The following SLC14A2 variants were observed in gnomAD, a reference collection of about 807,000 sequenced individuals.
SLC14A2 encodes solute carrier family 14 member 2.
A neutral mutation model predicts 104.6 loss-of-function variants in SLC14A2; 91 were observed. The observed-to-expected ratio is 0.87, with a 90% CI of 0.73 to 1.04. SLC14A2 has a LOEUF of 1.04. SLC14A2 is among the 50% of genes least tolerant of loss of function. The probability of loss-of-function intolerance (pLI) is 0.00; values close to 1 mark genes in which losing one functional copy is unlikely to be tolerated. For synonymous variants in SLC14A2, 476 were observed against 466.4 expected, an observed-to-expected ratio of 1.02 and a Z score of -0.27; for missense variants, 1,189 against 1,156.0, an observed-to-expected ratio of 1.03 and a Z score of -0.41.
At position 45,337,595 on chromosome 18, in the gene SLC14A2, C is replaced by T. The variant is rs1047464598; in HGVS notation, c.-125+124404C>T. 2.2e-4 allele frequency among the ~76,000 whole-genome samples: 34 copies of T among 152,316 alleles called. 1 individual carries two copies. Among genetic ancestry groups the T allele is most frequent in the Admixed American group, 8.5e-4 (13 of 15,302 alleles). On this transcript the variant is annotated intron_variant, in intron 1 of 20. Transcript: ENST00000586448. ...TGCCATGACAGGAAAGCAAGTGGGA[C>T]ATGCCTCATTATTCCTCATTATACC...
chr18:45,670,477 G>GTTA (rs371625395), intron 16 of SLC14A2, among the ~76,000 whole-genome samples: 4 of 152,110 alleles, frequency 2.6e-5, no homozygotes, highest in African/African-American at 9.7e-5. Flanking sequence ...CTGAGACTTC[G>GTTA]TTATTGGCAA....
chr18:45,329,314 C>T (rs1453061673), intron 1 of SLC14A2, among the ~76,000 whole-genome samples: 2 of 152,134 alleles, frequency 1.3e-5, no homozygotes, highest in African/African-American at 4.8e-5. Context: ...TTCAAAGAGA[C>T]TGAACTTGGG....
intron 1 of SLC14A2, among the ~76,000 whole-genome samples, chr18:45,337,613 A>G (rs562385519): frequency 6.6e-6 from 1 of 152,294 alleles, no homozygotes; most frequent in East Asian, 1.9e-4. Flanking sequence ...ATTATTCCTC[A>G]TTATACCCTT....
intron 2 of SLC14A2, among the ~76,000 whole-genome samples, chr18:45,536,131 T>C (rs1374597466): frequency 6.6e-6 from 1 of 151,986 alleles, no homozygotes; most frequent in Non-Finnish European, 1.5e-5. Context: ...GGTATTGTAT[T>C]GCCTATGTGA....
chr18:45,203,130 G>A, the SLC14A2 span, among the ~76,000 whole-genome samples: 2 of 152,162 alleles, frequency 1.3e-5, no homozygotes, highest in East Asian at 1.9e-4. Flanking sequence ...AGTCCGAGGA[G>A]AGGCACTTCA....
rs1037432952 is a variant in SLC14A2 at position 45,505,846 on chromosome 18, C to G, written c.-35+22524C>G. Among the ~76,000 whole-genome samples the G allele has an allele frequency of 9.2e-5, 14 of 152,302 alleles. No homozygotes were observed. The South Asian group carries it at 1.2e-3, about 14-fold the overall frequency. ...GTTTCACAAAGCCTAGCCTTGCCTCCTCTCTCATCTTCTTCTCAAGTAGCT... is the reference window on the plus strand; with the variant it reads ...GTTTCACAAAGCCTAGCCTTGCCTCGTCTCTCATCTTCTTCTCAAGTAGCT... On this transcript the variant is annotated intron_variant, in intron 2 of 20. Coordinates refer to the SLC14A2 transcript ENST00000586448.
chr18:45,632,321 A>T, intron 4 of SLC14A2, 29 bp from the exon 5 acceptor site: 1 of 1,603,930 alleles, frequency 6.2e-7, no homozygotes. Context: ...ACCAACTTCA[A>T]ATGCAAAATC....
chr18:45,390,177 A>T (rs1188581311), intron 1 of SLC14A2, among the ~76,000 whole-genome samples: 1 of 152,184 alleles, frequency 6.6e-6, no homozygotes, highest in Non-Finnish European at 1.5e-5. Flanking sequence ...CGACACGAGC[A>T]CTGGGAGAAA....
At chr18:45,443,896 AAAG>A (rs2086721997) in intron 1 of SLC14A2, among the ~76,000 whole-genome samples, 1 of 152,140 alleles carries the variant, frequency 6.6e-6, no homozygotes, top group Non-Finnish European at 1.5e-5. Flanking sequence ...AGGGAAGGAG[AAAG>A]AAGCCTATCC....
intron 2 of SLC14A2, among the ~76,000 whole-genome samples, chr18:45,558,590 C>T (rs1262939501): frequency 3.3e-5 from 5 of 152,166 alleles, no homozygotes; most frequent in Non-Finnish European, 5.9e-5. Flanking sequence ...AGGAAATAAT[C>T]ATGAGTTTTA....
At chr18:45,233,975 AT>A (rs1221385529) in intron 1 of SLC14A2, among the ~76,000 whole-genome samples, 1 of 152,014 alleles carries the variant, frequency 6.6e-6, no homozygotes, top group Non-Finnish European at 1.5e-5. Context: ...AAGCTTAATA[AT>A]AGATAAAGAA....
chr18:45,586,991 T>C (rs2044575461), intron 2 of SLC14A2, among the ~76,000 whole-genome samples: 1 of 152,204 alleles, frequency 6.6e-6, no homozygotes, highest in Non-Finnish European at 1.5e-5. Context: ...TTCTTTATTT[T>C]AAATTATTTT....
At chr18:45,443,995 A>G (rs1419473919) in intron 1 of SLC14A2, among the ~76,000 whole-genome samples, 1 of 152,158 alleles carries the variant, frequency 6.6e-6, no homozygotes, top group Non-Finnish European at 1.5e-5. Context: ...ACACATGGAG[A>G]GTGGGTCCCT....
chr18:45,599,282 A>G (rs1290182167), intron 2 of SLC14A2, among the ~76,000 whole-genome samples: 2 of 152,164 alleles, frequency 1.3e-5, no homozygotes, highest in African/African-American at 4.8e-5. Flanking sequence ...CTCCCTCTTG[A>G]TCAAGGGTTC....
the SLC14A2 span, among the ~76,000 whole-genome samples, chr18:45,206,681 A>G: frequency 9.9e-5 from 15 of 152,162 alleles, no homozygotes; most frequent in African/African-American, 3.6e-4. Flanking sequence ...TTTAAAGACA[A>G]AATAATCTGA....
intron 2 of SLC14A2, among the ~76,000 whole-genome samples, chr18:45,589,659 G>T (rs1460252297): frequency 6.6e-6 from 1 of 152,142 alleles, no homozygotes. Context: ...TCAGCCTCCC[G>T]CTGAGCCGCC....
At chr18:45,562,328 G>A (rs1298926501) in intron 2 of SLC14A2, among the ~76,000 whole-genome samples, 1 of 152,200 alleles carries the variant, frequency 6.6e-6, no homozygotes, top group Non-Finnish European at 1.5e-5. Flanking sequence ...AAGAGCTGAA[G>A]GTAGACCAAG....
intron 1 of SLC14A2, among the ~76,000 whole-genome samples, chr18:45,257,871 T>C (rs2084496112): frequency 6.6e-6 from 1 of 152,164 alleles, no homozygotes; most frequent in Non-Finnish European, 1.5e-5. Flanking sequence ...AGGTGGCAAT[T>C]ATCACATATT....
At chr18:45,602,280 G>C (rs1222625496) in intron 2 of SLC14A2, among the ~76,000 whole-genome samples, 1 of 152,182 alleles carries the variant, frequency 6.6e-6, no homozygotes, top group Non-Finnish European at 1.5e-5. Context: ...ATCTCTCTTG[G>C]AGAGGGTTAG....
Sources: gnomAD v4.1 joint callset for allele counts (sites outside exome capture counted in the v4.1 genomes callset) on GRCh38, gnomAD v4.1.1 for gene constraint, MANE v1.5 for transcripts, NCBI Gene and HGNC (gene_info 2026-07-23, HGNC 2026-07-21) for gene names.